DACH1: variants seen among roughly 807,000 people sequenced by gnomAD.
DACH1 encodes the protein dachshund homolog 1.
In DACH1, 12 loss-of-function variants were observed where a neutral mutation model predicts 54.2. The ratio of observed to expected loss-of-function variants is 0.22; its 90% CI spans 0.14 to 0.36. The LOEUF is 0.36. Ranked by LOEUF, DACH1 falls within the 10% of genes least tolerant of loss-of-function variation. The pLI is 1.00. For missense variants in DACH1, 805 were observed against 929.8 expected, an observed-to-expected ratio of 0.87 and a Z score of 1.75; for synonymous variants, 386 against 366.2, an observed-to-expected ratio of 1.05 and a Z score of -0.62.
At chr13:71,802,012 T>G (rs1887308345) in intron 1 of DACH1, among the ~76,000 whole-genome samples, 1 of 152,098 alleles carries the variant, frequency 6.6e-6, no homozygotes, top group South Asian at 2.1e-4. Flanking sequence ...GGAGCTCCAT[T>G]ATTGCTGAAT....
At chr13:71,578,155 A>G (rs138975952) in intron 3 of DACH1, among the ~76,000 whole-genome samples, 29 of 152,286 alleles carry the variant, frequency 1.9e-4, no homozygotes, top group African/African-American at 6.0e-4. Context: ...AGATTTTCCC[A>G]CAGGCTGACC....
chr13:71,843,068 T>A lies in DACH1; in HGVS notation c.848+22854A>T, dbSNP rs571940232. On this transcript the variant is annotated intron_variant, in intron 1 of 10. Transcript: ENST00000613252. ...TTTTTGCTATCCTGCATTATCTGAA[T>A]GTTATTTTTATTTTTTTAATTTTTA... Among the ~76,000 whole-genome samples, 5 of 152,310 alleles carry A rather than the reference T, an allele frequency of 3.3e-5. No individual in the cohort carries two copies. The South Asian group carries it at 1.0e-3, about 32-fold the overall frequency.
At chr13:71,821,913 T>A (rs1180441350) in intron 1 of DACH1, among the ~76,000 whole-genome samples, 1 of 151,864 alleles carries the variant, frequency 6.6e-6, no homozygotes, top group Non-Finnish European at 1.5e-5. Context: ...ATACAAAAAT[T>A]ATCTGGGCGT....
intron 1 of DACH1, among the ~76,000 whole-genome samples, chr13:71,827,711 T>C (rs1190728261): frequency 2.0e-5 from 3 of 152,082 alleles, no homozygotes. Flanking sequence ...TTTATGTCAC[T>C]AATAATAAAA....
chr13:71,831,404 GA>G (rs1566529353), intron 1 of DACH1, among the ~76,000 whole-genome samples: 1 of 151,630 alleles, frequency 6.6e-6, no homozygotes, highest in African/African-American at 2.4e-5. Flanking sequence ...AGTAAGGTCC[GA>G]GAAACTGAAA....
chr13:71,660,901 C>T (rs1370752534), intron 2 of DACH1, among the ~76,000 whole-genome samples: 1 of 150,166 alleles, frequency 6.7e-6, no homozygotes, highest in Non-Finnish European at 1.5e-5. Flanking sequence ...TTTAAAATGA[C>T]ATCAAATGTC....
chr13:71,819,715 A>T (rs1428948654), intron 1 of DACH1, among the ~76,000 whole-genome samples: 1 of 152,196 alleles, frequency 6.6e-6, no homozygotes, highest in Admixed American at 6.5e-5. Context: ...AGGAACATTA[A>T]TTTCTAACAA....
intron 2 of DACH1, among the ~76,000 whole-genome samples, chr13:71,671,306 A>G (rs2138676583): frequency 6.6e-6 from 1 of 152,166 alleles, no homozygotes; most frequent in East Asian, 1.9e-4. Context: ...AAAAAAAAGT[A>G]TCCGTTAGCT....
rs74327022 is a variant in DACH1, at chr13:71,584,847, G to A, written c.1127-11835C>T. Among the ~76,000 whole-genome samples the A allele has an allele frequency of 2.8e-3, 426 of 151,958 alleles. 3 individuals are homozygous for A. Among genetic ancestry groups the A allele is most frequent in the African/African-American group, 1.0e-2 (414 of 41,462 alleles). Reference sequence around the variant, plus strand: ...CTTAGGGAGGCAAGACAACAGAAACGATCAGACTAAGATTATTATGCAGTC... The same window carrying A: ...CTTAGGGAGGCAAGACAACAGAAACAATCAGACTAAGATTATTATGCAGTC... On this transcript the variant is annotated intron_variant, in intron 3 of 10. Transcript: ENST00000613252.
chr13:71,761,021 C>A (rs1325498499), intron 1 of DACH1, among the ~76,000 whole-genome samples: 2 of 151,694 alleles, frequency 1.3e-5, no homozygotes, highest in Non-Finnish European at 2.9e-5. Context: ...TCCTTATATC[C>A]TCTATCTACT....
chr13:71,864,214 C>CACACACACACACACACACACACA (rs35136330), intron 1 of DACH1, among the ~76,000 whole-genome samples: 1 of 113,252 alleles, frequency 8.8e-6, no homozygotes, highest in African/African-American at 3.7e-5. Context: ...CACACACACA[C>CACACACACACACACACACACACA]AACATTTACC....
chr13:71,723,396 A>C (rs1159641886), intron 1 of DACH1, among the ~76,000 whole-genome samples: 1 of 152,202 alleles, frequency 6.6e-6, no homozygotes, highest in Non-Finnish European at 1.5e-5. Context: ...CCGAGGCAGT[A>C]GAGTGAGATC....
chr13:71,519,385 G>A (rs1881402347), intron 6 of DACH1, among the ~76,000 whole-genome samples: 1 of 151,714 alleles, frequency 6.6e-6, no homozygotes, highest in Non-Finnish European at 1.5e-5. Context: ...TGTGGCTATA[G>A]GCTGCAGAGA....
intron 1 of DACH1, among the ~76,000 whole-genome samples, chr13:71,853,141 A>C (rs944235992): frequency 6.6e-6 from 1 of 152,170 alleles, no homozygotes; most frequent in African/African-American, 2.4e-5. Flanking sequence ...GAAGAAAATC[A>C]ATTTCTCTAC....
chr13:71,636,655 T>G (rs2138585279), intron 2 of DACH1, among the ~76,000 whole-genome samples: 1 of 151,708 alleles, frequency 6.6e-6, no homozygotes, highest in African/African-American at 2.4e-5. Context: ...GGAAAGATAA[T>G]AAGTCATATA....
Position 71,591,749 on chromosome 13 carries a change from A to G in DACH1, c.1127-18737T>C, listed in dbSNP as rs78107954. 5.3e-3 allele frequency among the ~76,000 whole-genome samples: 810 copies of G among 152,284 alleles called. 5 individuals carry two copies. The highest frequency in any genetic ancestry group is 0.019 in the African/African-American group (781 of 41,570). On this transcript the variant is annotated intron_variant, in intron 3 of 10. Transcript: ENST00000613252. Reference sequence around the variant, plus strand: ...AGGGGACCTGGAACCACACTTTAAGAAATACTGTAGTATCTGATGACATTT... The same window carrying G: ...AGGGGACCTGGAACCACACTTTAAGGAATACTGTAGTATCTGATGACATTT...
chr13:71,760,823 G>T (rs577694975), intron 1 of DACH1, among the ~76,000 whole-genome samples: 66 of 151,846 alleles, frequency 4.3e-4, no homozygotes, highest in African/African-American at 1.4e-3. Context: ...CTCTTCATGG[G>T]GATCATCATC....
chr13:71,444,199 A>G (rs1874252164), intron 10 of DACH1, among the ~76,000 whole-genome samples: 1 of 152,154 alleles, frequency 6.6e-6, no homozygotes, highest in Non-Finnish European at 1.5e-5. Flanking sequence ...TTTGATTCAA[A>G]TGATTTCTAC....
At chr13:71,786,080 C>T (rs970695640) in intron 1 of DACH1, among the ~76,000 whole-genome samples, 7 of 151,746 alleles carry the variant, frequency 4.6e-5, no homozygotes, top group African/African-American at 7.3e-5. Flanking sequence ...GTTTAAAAGG[C>T]GGGTAGAGAG....
Sources: gnomAD v4.1 joint callset for allele counts (sites outside exome capture counted in the v4.1 genomes callset) on GRCh38, gnomAD v4.1.1 for gene constraint, MANE v1.5 for transcripts, NCBI Gene and HGNC (gene_info 2026-07-23, HGNC 2026-07-21) for gene names.